SEMA5A: variants seen among roughly 807,000 people sequenced by gnomAD.
The protein encoded by SEMA5A is semaphorin-5A.
In SEMA5A, 55 loss-of-function variants were observed where a neutral mutation model predicts 135.5. That is an observed-to-expected ratio of 0.41 (90% CI 0.33 to 0.51). The LOEUF is 0.51. SEMA5A is among the 20% of genes least tolerant of loss of function. SEMA5A has a pLI of 0.37. For missense variants in SEMA5A, 1,290 were observed against 1,419.9 expected, an observed-to-expected ratio of 0.91 and a Z score of 1.47; for synonymous variants, 580 against 546.5, an observed-to-expected ratio of 1.06 and a Z score of -0.85.
chr5:9,070,017 A>G (rs1038140704), intron 16 of SEMA5A, among the ~76,000 whole-genome samples: 6 of 151,388 alleles, frequency 4.0e-5, no homozygotes, highest in African/African-American at 1.5e-4. Context: ...TCCCTCCCTC[A>G]CTCCGAGCCA....
chr5:9,463,248 A>T (rs2126733862), intron 1 of SEMA5A, among the ~76,000 whole-genome samples: 1 of 152,284 alleles, frequency 6.6e-6, no homozygotes, highest in South Asian at 2.1e-4. Flanking sequence ...AATTCTAAAT[A>T]AAAGATCATT....
intron 2 of SEMA5A, among the ~76,000 whole-genome samples, chr5:9,387,333 C>T (rs942480617): frequency 1.3e-5 from 2 of 152,080 alleles, no homozygotes; most frequent in African/African-American, 2.4e-5. Flanking sequence ...AGGATTTCTT[C>T]GGTGGACAAG....
At chr5:9,144,240 AT>A in intron 12 of SEMA5A, among the ~76,000 whole-genome samples, 1 of 152,210 alleles carries the variant, frequency 6.6e-6, no homozygotes, top group East Asian at 1.9e-4. Flanking sequence ...ACAATTACTT[AT>A]TTGCTATATA....
At chr5:9,281,500 G>A (rs996175167) in intron 5 of SEMA5A, among the ~76,000 whole-genome samples, 8 of 152,190 alleles carry the variant, frequency 5.3e-5, no homozygotes, top group Non-Finnish European at 8.8e-5. Flanking sequence ...CTACACAACA[G>A]TGAATTATCT....
rs573745593 is a variant in SEMA5A, at chr5:9,088,451, A to G, written c.2073+19689T>C. 2.0e-5 allele frequency among the ~76,000 whole-genome samples: 3 copies of G among 151,000 alleles called. No individual in the cohort carries two copies. The East Asian group carries it at 5.8e-4, about 29-fold the overall frequency. On this transcript the variant is annotated intron_variant, in intron 16 of 22. Coordinates refer to ENST00000382496, the MANE Select transcript of SEMA5A (RefSeq NM_003966.3). ...TTTCTCTTATACTGTGACAGAAAAA[A>G]AAGTTAGTTTTCTTTTAGAATGTTC...
intron 1 of SEMA5A, among the ~76,000 whole-genome samples, chr5:9,529,248 C>T (rs1202049035): frequency 6.6e-6 from 1 of 152,240 alleles, no homozygotes; most frequent in African/African-American, 2.4e-5. Context: ...CACCTGCCAG[C>T]TTTGCCTCTC....
intron 3 of SEMA5A, among the ~76,000 whole-genome samples, chr5:9,349,397 T>C (rs1754014153): frequency 6.6e-6 from 1 of 152,194 alleles, no homozygotes; most frequent in African/African-American, 2.4e-5. Context: ...TACAAAGTTA[T>C]ATAAGACAGA....
rs374714616 is a variant in SEMA5A at position 9,066,680 on chromosome 5, G to T, written c.2074-34C>A. On this transcript the variant is annotated intron_variant, in intron 16 of 22. Transcript: ENST00000382496. ...AATGCGCAGACGAGTGTTACTATAC[G>T]GGGTAAACAGAGCAACCTCACGAAG... 22 of 1,594,896 alleles carry T rather than the reference G, an allele frequency of 1.4e-5. No homozygotes were observed. The East Asian group carries it at 4.0e-4, about 29-fold the overall frequency.
chr5:9,113,004 A>G (rs1233513526), intron 15 of SEMA5A, among the ~76,000 whole-genome samples: 1 of 152,164 alleles, frequency 6.6e-6, no homozygotes, highest in African/African-American at 2.4e-5. Flanking sequence ...GACATCCCAC[A>G]AGGAAATGAA....
chr5:9,056,679 G>A (rs1736911409), intron 18 of SEMA5A, among the ~76,000 whole-genome samples: 1 of 152,210 alleles, frequency 6.6e-6, no homozygotes, highest in South Asian at 2.1e-4. Context: ...CTGAGATGGT[G>A]CCAATGCATC....
At chr5:9,400,171 G>A (rs1443265843) in intron 2 of SEMA5A, among the ~76,000 whole-genome samples, 3 of 152,130 alleles carry the variant, frequency 2.0e-5, no homozygotes, top group Non-Finnish European at 2.9e-5. Context: ...GGTTGGAGGC[G>A]AAGTGAGGGA....
At chr5:9,085,536 G>A (rs763797590) in intron 16 of SEMA5A, among the ~76,000 whole-genome samples, 2 of 152,244 alleles carry the variant, frequency 1.3e-5, no homozygotes, top group Non-Finnish European at 2.9e-5. Context: ...CTTCCACAGG[G>A]TGTTGAGACT....
chr5:9,132,607 A>G (rs1741492954), intron 13 of SEMA5A, among the ~76,000 whole-genome samples: 1 of 152,204 alleles, frequency 6.6e-6, no homozygotes, highest in Non-Finnish European at 1.5e-5. Flanking sequence ...TAGCAACATA[A>G]ATGGTCTAAG....
intron 11 of SEMA5A, among the ~76,000 whole-genome samples, chr5:9,182,622 C>A (rs1744583761): frequency 6.6e-6 from 1 of 151,806 alleles, no homozygotes; most frequent in African/African-American, 2.4e-5. Context: ...GCTGAGCATG[C>A]CATGCTCACC....
chr5:9,314,886 G>A (rs1415234145), intron 5 of SEMA5A, among the ~76,000 whole-genome samples: 5 of 152,170 alleles, frequency 3.3e-5, no homozygotes, highest in East Asian at 1.9e-4. Context: ...AAAAAGTCAC[G>A]TCTTCTTGCT....
chr5:9,458,917 GC>G (rs1357508616), intron 1 of SEMA5A, among the ~76,000 whole-genome samples: 1 of 152,118 alleles, frequency 6.6e-6, no homozygotes, highest in Admixed American at 6.5e-5. Context: ...ACAACTTTCA[GC>G]TTCAGTTAGA....
At position 9,053,868 on chromosome 5, in the gene SEMA5A, A is replaced by G. The variant is rs1736732608; in HGVS notation, c.2689+219T>C. On this transcript the variant is annotated intron_variant, in intron 19 of 22. Coordinates refer to ENST00000382496, the MANE Select transcript of SEMA5A (RefSeq NM_003966.3). Reference sequence around the variant, plus strand: ...TTAGCACTCTCCCATTGCTGGGCTAAAGGCTTTGAACACGAGTTCTGAATC... The same window carrying G: ...TTAGCACTCTCCCATTGCTGGGCTAGAGGCTTTGAACACGAGTTCTGAATC... 8.7e-6 allele frequency: 4 copies of G among 458,730 alleles called. No homozygotes were observed. In the Admixed American group the frequency reaches 1.3e-4, roughly 14 times the overall value. The allele number at this position is 458,730 out of a possible 1,614,324, so 28.4% of individuals were successfully genotyped here.
intron 12 of SEMA5A, among the ~76,000 whole-genome samples, chr5:9,149,465 G>A (rs922081757): frequency 2.0e-5 from 3 of 152,148 alleles, no homozygotes; most frequent in Non-Finnish European, 2.9e-5. Context: ...CCAACATGGT[G>A]AAACCCCGTC....
At chr5:9,224,578 A>G in intron 8 of SEMA5A, 96 bp downstream of exon 8, 2 of 1,074,062 alleles carry the variant, frequency 1.9e-6, no homozygotes, top group East Asian at 2.5e-5. Context: ...TGAAGAATTC[A>G]TTTTTATTTA....
Sources: allele counts gnomAD v4.1 joint callset (sites outside exome capture counted in the v4.1 genomes callset), GRCh38; gene constraint gnomAD v4.1.1; transcripts MANE v1.5; gene names NCBI Gene and HGNC (gene_info 2026-07-23, HGNC 2026-07-21).